DUSP3: variants seen among roughly 807,000 people sequenced by gnomAD.
The protein encoded by DUSP3 is dual specificity protein phosphatase 3.
DUSP3 carries 7 observed loss-of-function variants against 15.5 expected under a neutral mutation model. That is an observed-to-expected ratio of 0.45 (90% confidence interval 0.26 to 0.85). The LOEUF is 0.85. Among genes scored for constraint, DUSP3 ranks in the 40% least tolerant of loss-of-function variants. The pLI, the probability that DUSP3 is intolerant of heterozygous loss-of-function variation, is 0.18. For missense variants in DUSP3, 209 were observed against 251.7 expected (o/e 0.83, Z 1.15); for synonymous variants, 86 against 104.2 (o/e 0.83, Z 1.07).
At chr17:43,774,111 T>TAAAAA (rs556992898) in intron 2 of DUSP3, 7 of 64,898 alleles carry the variant, frequency 1.1e-4, no homozygotes, top group South Asian at 6.4e-4. Flanking sequence ...AAACTCCATC[T>TAAAAA]AAAAAAAAAA....
At chr17:43,776,110 C>T (rs4792911) in intron 1 of DUSP3, among the ~76,000 whole-genome samples, 9,870 of 152,214 alleles carry the variant, frequency 0.065, 370 homozygotes, top group East Asian at 0.14. Context: ...CAGAGTGAGA[C>T]TCCGTCTCGA....
chr17:43,772,641 A>G (rs1030485330), intron 2 of DUSP3, among the ~76,000 whole-genome samples: 1 of 152,184 alleles, frequency 6.6e-6, no homozygotes, highest in Non-Finnish European at 1.5e-5. Context: ...AAGCATTTAT[A>G]CTTGGCATTA....
In DUSP3 at chr17:43,769,880, C is replaced by T. The variant is rs73318387; in HGVS notation, c.353-66G>A. The T allele has an allele frequency of 8.6e-3, 13,396 of 1,554,640 alleles. 847 individuals are homozygous for T. In the African/African-American group the frequency reaches 0.15, roughly 18 times the overall value. On this transcript the variant is annotated intron_variant, in intron 2 of 2. Transcript: ENST00000226004. ...CATCACACCATGGCGTTGGTCAAGA[C>T]TCTTCCGTGAAGTGCCACTTAAAAG...
chr17:43,771,309 C>G (rs1362245374), intron 2 of DUSP3, among the ~76,000 whole-genome samples: 1 of 151,920 alleles, frequency 6.6e-6, no homozygotes, highest in Non-Finnish European at 1.5e-5. Context: ...ACAGACATAA[C>G]ATCTTTTTAT....
intron 2 of DUSP3, among the ~76,000 whole-genome samples, chr17:43,774,433 G>C (rs920516923): frequency 3.3e-5 from 5 of 152,146 alleles, no homozygotes; most frequent in African/African-American, 1.2e-4. Context: ...TGTTTGAATG[G>C]GGGACGTGTA....
intron 2 of DUSP3, among the ~76,000 whole-genome samples, chr17:43,771,514 C>T (rs902288439): frequency 1.4e-5 from 2 of 142,148 alleles, no homozygotes; most frequent in Non-Finnish European, 3.1e-5. Flanking sequence ...GTACCCATTG[C>T]ACAAGGTGGT....
Position 43,769,578 on chromosome 17 carries a change from G to A in DUSP3, c.*31C>T, listed in dbSNP as rs931704690. The A allele has an allele frequency of 9.3e-6, 15 of 1,608,266 alleles. No individual in the cohort carries two copies. The highest frequency in any genetic ancestry group is 2.2e-5 in the East Asian group (1 of 44,852). ...CACCTTTGCCCACGGCCTCCCCCAC[G>A]GACCTCTCGAGCAGAGGTGGTGGGG... On this transcript the variant is annotated 3_prime_UTR_variant, in exon 3 of 3. Transcript: ENST00000226004.
At chr17:43,778,666 C>T in intron 1 of DUSP3, 134 bp downstream of exon 1, 2 of 1,236,762 alleles carry the variant, frequency 1.6e-6, no homozygotes, top group Non-Finnish European at 2.1e-6. Context: ...CTCCCAAGCC[C>T]CCGCTGTGGC....
chr17:43,766,492 G>T lies in DUSP3; in HGVS notation c.*3117C>A, dbSNP rs865968816. On this transcript the variant is annotated 3_prime_UTR_variant, in exon 3 of 3. Transcript: ENST00000226004. ...GCTCATGTCTTCATATTGAAGATCA[G>T]TACTTTTTTTTTTTTTTTTCCTTTA... 1.3e-5 allele frequency: 2 copies of T among 148,280 alleles called. No homozygotes were observed. The highest frequency in any genetic ancestry group is 4.3e-4 in the South Asian group (2 of 4,650). The allele number at this position is 148,280 out of a possible 1,614,324, so 9.2% of individuals were successfully genotyped here.
intron 1 of DUSP3, chr17:43,777,656 G>C (rs916986341): frequency 2.4e-6 from 1 of 418,824 alleles, no homozygotes; most frequent in Non-Finnish European, 4.8e-6. Flanking sequence ...GAGCCATGAA[G>C]CTTAGGATTT....
chr17:43,766,851 G>T lies in DUSP3; in HGVS notation c.*2758C>A, dbSNP rs1451739560. 6.6e-6 allele frequency: 1 copy of T among 152,078 alleles called. No individual in the cohort carries two copies. Among genetic ancestry groups the T allele is most frequent in the Non-Finnish European group, 1.5e-5 (1 of 68,036 alleles). The allele number at this position is 152,078 out of a possible 1,614,324, so 9.4% of individuals were successfully genotyped here. A position where few individuals can be genotyped will look rare whatever the true frequency, so the allele number is the denominator to read the frequency against. On this transcript the variant is annotated 3_prime_UTR_variant, in exon 3 of 3. Transcript: ENST00000226004. ...TTTGGCGCTCTAATTTTGCCTGGAT[G>T]GTGCTCTGTCAGTCAAAGAAAGGGA... is the stretch of plus-strand genomic sequence containing the variant.
In DUSP3 at chr17:43,767,969, A is replaced by T. The variant is rs761572865; in HGVS notation, c.*1640T>A. The T allele has an allele frequency of 1.3e-5, 2 of 152,152 alleles. No homozygotes were observed. Among genetic ancestry groups the T allele is most frequent in the Non-Finnish European group, 2.9e-5 (2 of 68,024 alleles). The allele number at this position is 152,152 out of a possible 1,614,324, so 9.4% of individuals were successfully genotyped here. A position where few individuals can be genotyped will look rare whatever the true frequency, so the allele number is the denominator to read the frequency against. ...GCACATTCCCTACCTTGGCATATTA[A>T]CACTGCCTGAATTTAAATGTAAAAC... On this transcript the variant is annotated 3_prime_UTR_variant, in exon 3 of 3. Coordinates refer to ENST00000226004, the MANE Select transcript of DUSP3 (RefSeq NM_004090.4).
rs952359114 is a variant in DUSP3, at chr17:43,767,423, G to A, written c.*2186C>T. On this transcript the variant is annotated 3_prime_UTR_variant, in exon 3 of 3. Coordinates refer to ENST00000226004, the MANE Select transcript of DUSP3 (RefSeq NM_004090.4). ...CGGGGCTGGATTGAGGGTAAGTGCA[G>A]TACACCTGGAGATCCCAGGGAGCCC... The A allele has an allele frequency of 3.3e-5, 5 of 152,634 alleles. No individual in the cohort carries two copies. The East Asian group carries it at 9.6e-4, about 29-fold the overall frequency. The allele number at this position is 152,634 out of a possible 1,614,324, so 9.5% of individuals were successfully genotyped here. A position where few individuals can be genotyped will look rare whatever the true frequency, so the allele number is the denominator to read the frequency against.
At chr17:43,778,725 CACCCCGACCCCAG>C (rs1974424723) in intron 1 of DUSP3, 62 bp downstream of exon 1, 8 of 1,400,580 alleles carry the variant, frequency 5.7e-6, no homozygotes, top group Non-Finnish European at 7.5e-6. Flanking sequence ...AGACTCGCGA[CACCCCGACCCCAG>C]CCTCGGGTGG....
At chr17:43,777,628 A>T (rs1441625394) in intron 1 of DUSP3, 1 of 449,652 alleles carries the variant, frequency 2.2e-6, no homozygotes, top group Non-Finnish European at 4.5e-6. Flanking sequence ...TGAGTTTTCA[A>T]CATGCCATCC....
At position 43,775,985 on chromosome 17, in the gene DUSP3, C is replaced by G. The variant is rs1433982730; in HGVS notation, c.126-1047G>C. ...AGTGAGCCGGGTGTGGTGGTACATG[C>G]CTGTAATCCCAGCTACTCTGGGATT... is the stretch of plus-strand genomic sequence containing the variant. On this transcript the variant is annotated intron_variant, in intron 1 of 2. Transcript: ENST00000226004. Among the ~76,000 whole-genome samples the G allele has an allele frequency of 2.6e-5, 4 of 152,188 alleles. No homozygotes were observed. The East Asian group carries it at 7.8e-4, about 30-fold the overall frequency.
At chr17:43,772,235 T>C (rs1974329033) in intron 2 of DUSP3, among the ~76,000 whole-genome samples, 1 of 152,102 alleles carries the variant, frequency 6.6e-6, no homozygotes, top group Non-Finnish European at 1.5e-5. Context: ...ACCACTCTAT[T>C]TTCCCAATGC....
Position 43,774,725 on chromosome 17 carries a change from C to G in DUSP3, c.339G>C (p.Leu113Phe). ...ERAADFIDQALAQKNGRVLVH... is the reference protein window; with the variant it reads ...ERAADFIDQAFAQKNGRVLVH... ...GAGGTCCCTTACCATTCTTTTGAGC[C>G]AAAGCCTGGTCAATGAAGTCGGCAG... Residue 113 changes from leucine to phenylalanine, a missense_variant, in exon 2 of 3, where the codon TTG becomes TTC. Leu to Phe is a conservative substitution (Grantham distance 22, BLOSUM62 0). Transcript: ENST00000226004. 1 of 1,614,186 alleles carries G rather than the reference C, an allele frequency of 6.2e-7. No individual in the cohort carries two copies. The highest frequency in any genetic ancestry group is 2.2e-5 in the East Asian group (1 of 44,886).
chr17:43,774,952 A>G lies in DUSP3; in HGVS notation c.126-14T>C. 6.2e-7 allele frequency: 1 copy of G among 1,613,938 alleles called. No homozygotes were observed. Among genetic ancestry groups the G allele is most frequent in the Non-Finnish European group, 8.5e-7 (1 of 1,179,816 alleles). ...TGAGCCACAGACCTGGACAGGAGACAGTGGTGGGGATGATTAACCAACCAA... is the reference window on the plus strand; with the variant it reads ...TGAGCCACAGACCTGGACAGGAGACGGTGGTGGGGATGATTAACCAACCAA... On this transcript the variant is annotated splice_polypyrimidine_tract_variant and intron_variant, in intron 1 of 2. Coordinates refer to ENST00000226004, the MANE Select transcript of DUSP3 (RefSeq NM_004090.4).
Sources: gnomAD v4.1 joint callset for allele counts (sites outside exome capture counted in the v4.1 genomes callset) on GRCh38, gnomAD v4.1.1 for gene constraint, MANE v1.5 for transcripts, NCBI Gene and HGNC (gene_info 2026-07-23, HGNC 2026-07-21) for gene names.